GLMN: variants seen among roughly 807,000 people sequenced by gnomAD.
GLMN encodes the protein glomulin.
A neutral mutation model predicts 87.8 loss-of-function variants in GLMN; 75 were observed. The ratio of observed to expected loss-of-function variants is 0.85; its 90% CI spans 0.71 to 1.04. The LOEUF (loss-of-function observed/expected upper bound fraction) is 1.04, where lower values mean the gene tolerates loss of function less well. Ranked by LOEUF, GLMN falls within the 50% of genes least tolerant of loss-of-function variation. The probability of loss-of-function intolerance (pLI) is 0.00; values close to 1 mark genes in which losing one functional copy is unlikely to be tolerated. For missense variants in GLMN, 588 were observed against 658.8 expected (o/e 0.89, Z 1.18); for synonymous variants, 206 against 221.6 (o/e 0.93, Z 0.63).
intron 16 of GLMN, among the ~76,000 whole-genome samples, chr1:92,260,171 TAGAC>T (rs1256069462): frequency 6.6e-6 from 1 of 152,232 alleles, no homozygotes; most frequent in South Asian, 2.1e-4. Context: ...GTTTTCAAGA[TAGAC>T]AGGCTTTTAA....
At chr1:92,280,650 C>T (rs983289758) in intron 7 of GLMN, among the ~76,000 whole-genome samples, 1 of 152,070 alleles carries the variant, frequency 6.6e-6, no homozygotes, top group Non-Finnish European at 1.5e-5. Context: ...TTCGGAAGGT[C>T]GGTAATAACA....
chr1:92,341,358 T>C, the GLMN span, among the ~76,000 whole-genome samples: 1 of 152,132 alleles, frequency 6.6e-6, no homozygotes, highest in Non-Finnish European at 1.5e-5. Context: ...CTGTTTCCCT[T>C]TTGAATTGTC....
At chr1:92,267,785 G>C (rs1040229659) in intron 11 of GLMN, 128 bp downstream of exon 11, 1 of 686,968 alleles carries the variant, frequency 1.5e-6, no homozygotes, top group African/African-American at 1.8e-5. Context: ...AGTTCTACTG[G>C]ACAGCATTAC....
the GLMN span, among the ~76,000 whole-genome samples, chr1:92,366,256 T>C: frequency 2.0e-5 from 3 of 152,168 alleles, no homozygotes; most frequent in Admixed American, 6.5e-5. Flanking sequence ...TGAGCTGTGA[T>C]TGCACCACTG....
chr1:92,354,100 C>T, the GLMN span, among the ~76,000 whole-genome samples: 1 of 152,112 alleles, frequency 6.6e-6, no homozygotes, highest in African/African-American at 2.4e-5. Flanking sequence ...GTGATGACAG[C>T]AGTTAGCAGC....
chr1:92,257,116 CAGAG>C lies in GLMN; in HGVS notation c.1473+5743_1473+5746del, dbSNP rs562405398. Among the ~76,000 whole-genome samples, 579 of 152,218 alleles carry C rather than the reference CAGAG, an allele frequency of 3.8e-3. 3 individuals carry two copies. The highest frequency in any genetic ancestry group is 0.014 in the South Asian group (67 of 4,820). ...AGCATTCCTATACACCAATAATAAA[CAGAG>C]AGCCAAATCATGAGTGAACTCCCAT... On this transcript the variant is annotated intron_variant, in intron 16 of 18. Coordinates refer to ENST00000370360, the MANE Select transcript of GLMN (RefSeq NM_053274.3).
chr1:92,309,566 TACACA>T, the GLMN span, among the ~76,000 whole-genome samples: 34 of 24,880 alleles, frequency 1.4e-3, no homozygotes, highest in Non-Finnish European at 5.0e-4. Flanking sequence ...CACATACACA[TACACA>T]TATACATATA....
rs534546841 is a variant in GLMN at position 92,253,511 on chromosome 1, C to T, written c.1474-5522G>A. On this transcript the variant is annotated intron_variant, in intron 16 of 18. Transcript: ENST00000370360. ...AGCAGGGGTCAACAGCCACCTCATA[C>T]AGGAGAGCTCCGGCTGGCATCTGGC... 7.9e-5 allele frequency among the ~76,000 whole-genome samples: 12 copies of T among 152,338 alleles called. No homozygotes were observed. In the South Asian group the frequency reaches 1.7e-3, roughly 21 times the overall value.
chr1:92,252,343 G>A (rs535048502), intron 16 of GLMN, among the ~76,000 whole-genome samples: 19 of 152,180 alleles, frequency 1.2e-4, no homozygotes, highest in South Asian at 1.0e-3. Context: ...GCAATGTGCC[G>A]TGATTGCGCC....
chr1:92,263,568 T>G lies in GLMN; in HGVS notation c.1409+55A>C, dbSNP rs142353934. 1,865 of 823,800 alleles carry G rather than the reference T, an allele frequency of 2.3e-3. 2 individuals are homozygous for G. Among genetic ancestry groups the G allele is most frequent in the Non-Finnish European group, 3.4e-3 (1,536 of 457,602 alleles). 51.0% of individuals were successfully genotyped at this position (823,800 alleles called of 1,614,324 possible). A position where few individuals can be genotyped will look rare whatever the true frequency, so the allele number is the denominator to read the frequency against. ...TATTACTTTAGGTTCCCTAAGCAGA[T>G]GTTTCACATTTTATTCTGAATTTAC... On this transcript the variant is annotated intron_variant, in intron 15 of 18. Coordinates refer to ENST00000370360, the MANE Select transcript of GLMN (RefSeq NM_053274.3).
the GLMN span, chr1:92,324,213 T>A: frequency 1.2e-6 from 2 of 1,614,142 alleles, no homozygotes; most frequent in South Asian, 1.1e-5. Flanking sequence ...ACAGCTTGGA[T>A]GAGTCTTTAC....
At chr1:92,334,031 T>C in the GLMN span, among the ~76,000 whole-genome samples, 1 of 152,218 alleles carries the variant, frequency 6.6e-6, no homozygotes, top group African/African-American at 2.4e-5. Context: ...TGGTTTTTCT[T>C]TCAAAAAGAA....
the GLMN span, among the ~76,000 whole-genome samples, chr1:92,318,964 G>A: frequency 1.3e-5 from 2 of 152,146 alleles, no homozygotes; most frequent in South Asian, 4.1e-4. Flanking sequence ...GATGAAATGA[G>A]TAGGGGCTGT....
chr1:92,344,266 G>A, the GLMN span, among the ~76,000 whole-genome samples: 5 of 152,010 alleles, frequency 3.3e-5, no homozygotes, highest in Admixed American at 1.3e-4. Flanking sequence ...AAAATTAGGC[G>A]TGGTGGCATA....
chr1:92,264,052 A>G (rs1006750072), intron 14 of GLMN, among the ~76,000 whole-genome samples: 2 of 152,206 alleles, frequency 1.3e-5, no homozygotes, highest in Non-Finnish European at 2.9e-5. Flanking sequence ...GTGATGACTC[A>G]CACCTGTAAT....
chr1:92,327,616 T>C, the GLMN span, among the ~76,000 whole-genome samples: 6 of 152,358 alleles, frequency 3.9e-5, 1 homozygote, highest in South Asian at 1.2e-3. Context: ...TTTGCCATTC[T>C]GTATTTTTTA....
intron 6 of GLMN, among the ~76,000 whole-genome samples, chr1:92,287,034 C>G (rs567314561): frequency 6.6e-6 from 1 of 152,154 alleles, no homozygotes; most frequent in Non-Finnish European, 1.5e-5. Flanking sequence ...ACTCAATGGT[C>G]TATAAAACTG....
chr1:92,263,708 T>TA lies in GLMN; in HGVS notation c.1323dup (p.Thr442TyrfsTer10), dbSNP rs771252983. 2.3e-5 allele frequency: 36 copies of TA among 1,592,076 alleles called. No homozygotes were observed. The African/African-American group carries it at 4.7e-4, about 21-fold the overall frequency. On this transcript the variant is annotated frameshift_variant, in exon 15 of 19. Coordinates refer to ENST00000370360, the MANE Select transcript of GLMN (RefSeq NM_053274.3). LOFTEE classifies it high-confidence loss of function. ...AGAAGGGAAATCAACTGTGGTCCTG[T>TA]AAACCATTTGTTGTTACGTGTTCTC...
chr1:92,345,397 AAAAAGAG>A, the GLMN span, among the ~76,000 whole-genome samples: 5 of 146,970 alleles, frequency 3.4e-5, no homozygotes, highest in African/African-American at 1.0e-4. Flanking sequence ...AAAAAAAAAA[AAAAAGAG>A]AGAGAGAGAA....
Sources: allele counts gnomAD v4.1 joint callset (sites outside exome capture counted in the v4.1 genomes callset), GRCh38; gene constraint gnomAD v4.1.1; transcripts MANE v1.5; gene names NCBI Gene and HGNC (gene_info 2026-07-23, HGNC 2026-07-21).